RXFP1: variants seen among roughly 807,000 people sequenced by gnomAD.
The protein encoded by RXFP1 is relaxin family peptide receptor 1, also known as relaxin receptor 1.
RXFP1 carries 73 observed loss-of-function variants against 89.8 expected under a neutral mutation model. The observed-to-expected ratio is 0.81, with a 90% confidence interval of 0.67 to 0.99. The LOEUF (loss-of-function observed/expected upper bound fraction) is 0.99, where lower values mean the gene tolerates loss of function less well. RXFP1 is among the 50% of genes least tolerant of loss of function. The probability of loss-of-function intolerance (pLI) is 0.00; values close to 1 mark genes in which losing one functional copy is unlikely to be tolerated. For synonymous variants in RXFP1, 277 were observed against 305.5 expected, an observed-to-expected ratio of 0.91 and a Z score of 0.97; for missense variants, 793 against 895.5, an observed-to-expected ratio of 0.89 and a Z score of 1.46.
In RXFP1 at chr4:158,617,118, T is replaced by C; in HGVS notation, c.681-13T>C. On this transcript the variant is annotated splice_polypyrimidine_tract_variant and intron_variant, in intron 8 of 17. Transcript: ENST00000307765. ...CCAGAAAAATGTGACTTGTTTGTCT[T>C]TTCCTTTTTCAGAGTCCTGATGAAT... 1 of 1,587,112 alleles carries C rather than the reference T, an allele frequency of 6.3e-7. No individual in the cohort carries two copies. Among genetic ancestry groups the C allele is most frequent in the Non-Finnish European group, 8.6e-7 (1 of 1,163,358 alleles).
rs1042033483 is a variant in RXFP1, at chr4:158,640,279, G to A, written c.1115+948G>A. Among the ~76,000 whole-genome samples, 6 of 152,190 alleles carry A rather than the reference G, an allele frequency of 3.9e-5. No individual in the cohort carries two copies. The South Asian group carries it at 1.0e-3, about 26-fold the overall frequency. ...CTAATAACTGTTCACAGATATTGAT[G>A]TTTGCCTAATGAGCTAGTAATTGGT... On this transcript the variant is annotated intron_variant, in intron 14 of 17. Transcript: ENST00000307765.
At chr4:158,578,580 T>C (rs1207241814) in intron 2 of RXFP1, among the ~76,000 whole-genome samples, 3 of 152,242 alleles carry the variant, frequency 2.0e-5, no homozygotes, top group African/African-American at 7.2e-5. Context: ...TCTAGATTTG[T>C]ATTTAAAAGA....
intron 15 of RXFP1, chr4:158,646,563 G>A: frequency 2.2e-6 from 3 of 1,356,828 alleles, no homozygotes; most frequent in African/African-American, 2.9e-5. Flanking sequence ...GGAAAATGAA[G>A]AAATGATTGC....
Position 158,610,711 on chromosome 4 carries a change from C to G in RXFP1, c.537-1419C>G, listed in dbSNP as rs1383891793. On this transcript the variant is annotated intron_variant, in intron 6 of 17. Transcript: ENST00000307765. Reference sequence around the variant, plus strand: ...GTGAGCATAGGGAGCAATAGTGGATCAAATGTCTTTTACCTGGAGGGTTTT... The same window carrying G: ...GTGAGCATAGGGAGCAATAGTGGATGAAATGTCTTTTACCTGGAGGGTTTT... 4 of 1,289,150 alleles carry G rather than the reference C, an allele frequency of 3.1e-6. No homozygotes were observed. The South Asian group carries it at 4.9e-5, about 16-fold the overall frequency. 79.9% of individuals were successfully genotyped at this position (1,289,150 alleles called of 1,614,324 possible). A position where few individuals can be genotyped will look rare whatever the true frequency, so the allele number is the denominator to read the frequency against.
intron 6 of RXFP1, 37 bp downstream of exon 6, chr4:158,608,080 G>A: frequency 7.3e-7 from 1 of 1,368,164 alleles, no homozygotes; most frequent in Non-Finnish European, 1.0e-6. Flanking sequence ...CCATTCCATG[G>A]TAGTCTGACA....
At chr4:158,531,161 G>A (rs1232984738) in intron 1 of RXFP1, among the ~76,000 whole-genome samples, 2 of 152,028 alleles carry the variant, frequency 1.3e-5, no homozygotes, top group Admixed American at 6.6e-5. Context: ...TAAGCCTCGC[G>A]AGTTGCTGGG....
At chr4:158,607,175 T>G in intron 5 of RXFP1, 1 of 1,335,476 alleles carries the variant, frequency 7.5e-7, no homozygotes, top group African/African-American at 1.4e-5. Flanking sequence ...GGTGCAATGA[T>G]GCAATAGCGT....
intron 8 of RXFP1, among the ~76,000 whole-genome samples, chr4:158,615,394 G>C (rs1476162111): frequency 2.6e-5 from 4 of 152,054 alleles, no homozygotes; most frequent in Non-Finnish European, 5.9e-5. Flanking sequence ...AAATTAGCTG[G>C]GTGTGGTGGC....
intron 1 of RXFP1, among the ~76,000 whole-genome samples, chr4:158,541,855 T>C (rs549891411): frequency 1.3e-5 from 2 of 152,022 alleles, no homozygotes; most frequent in South Asian, 2.1e-4. Flanking sequence ...TCTATATTTA[T>C]ATTTCAGCAA....
intron 1 of RXFP1, among the ~76,000 whole-genome samples, chr4:158,567,049 C>T (rs906395611): frequency 6.6e-6 from 1 of 152,182 alleles, no homozygotes; most frequent in African/African-American, 2.4e-5. Flanking sequence ...GCCGGCCGGC[C>T]CGCCAGTCAG....
At chr4:158,566,868 C>T (rs1030485564) in intron 1 of RXFP1, among the ~76,000 whole-genome samples, 4 of 152,228 alleles carry the variant, frequency 2.6e-5, no homozygotes, top group South Asian at 4.1e-4. Context: ...TTCAGCCCAC[C>T]GCTGCACTGT....
At chr4:158,603,889 C>CAATAATAAT (rs10617905) in intron 4 of RXFP1, among the ~76,000 whole-genome samples, 1,438 of 141,096 alleles carry the variant, frequency 0.01, 12 homozygotes, top group African/African-American at 0.021. Flanking sequence ...GACTCCATCT[C>CAATAATAAT]AATAATAATA....
At chr4:158,530,035 C>T (rs1420520354) in intron 1 of RXFP1, among the ~76,000 whole-genome samples, 2 of 152,106 alleles carry the variant, frequency 1.3e-5, no homozygotes, top group Admixed American at 6.6e-5. Context: ...GTTCCAACAC[C>T]TGATCCTCAT....
intron 10 of RXFP1, among the ~76,000 whole-genome samples, chr4:158,627,679 T>C (rs1349141805): frequency 6.6e-6 from 1 of 152,152 alleles, no homozygotes; most frequent in African/African-American, 2.4e-5. Context: ...TATTACCATA[T>C]GTTTTCTCCA....
In RXFP1 at chr4:158,612,141, A is replaced by G. The variant is rs1320013930; in HGVS notation, c.548A>G (p.His183Arg). 2 of 1,607,762 alleles carry G rather than the reference A, an allele frequency of 1.2e-6. No individual in the cohort carries two copies. Among genetic ancestry groups the G allele is most frequent in the Non-Finnish European group, 1.7e-6 (2 of 1,177,848 alleles). Residue 183 changes from histidine to arginine, a missense_variant, in exon 7 of 18, where the codon CAT becomes CGT. His to Arg is a conservative substitution (Grantham distance 29, BLOSUM62 0). Transcript: ENST00000307765. ...TTCTCCTTTTCCAGGTATCTCAGTC[A>G]TAACAGAATAACCTTCCTGAAGCCG... ...LNSLTKLYLS[H>R]NRITFLKPGV...
rs749238113 is a variant in RXFP1, at chr4:158,612,286, G to A, written c.609-5G>A. ...ATGAATTAATTTTTTTCTTCTGGCT[G>A]TCAGGATAATTGAAGATAATCACCT... On this transcript the variant is annotated splice_region_variant and splice_polypyrimidine_tract_variant and intron_variant, in intron 7 of 17. Coordinates refer to ENST00000307765, the MANE Select transcript of RXFP1 (RefSeq NM_021634.4). 3 of 1,610,334 alleles carry A rather than the reference G, an allele frequency of 1.9e-6. No individual in the cohort carries two copies. The highest frequency in any genetic ancestry group is 1.1e-5 in the South Asian group (1 of 90,144).
intron 1 of RXFP1, among the ~76,000 whole-genome samples, chr4:158,550,753 A>G (rs1357188915): frequency 6.6e-6 from 1 of 152,236 alleles, no homozygotes; most frequent in East Asian, 1.9e-4. Flanking sequence ...CACATTGGTT[A>G]AGAACACGTG....
intron 1 of RXFP1, among the ~76,000 whole-genome samples, chr4:158,570,828 A>G (rs908455960): frequency 2.0e-5 from 3 of 152,036 alleles, no homozygotes; most frequent in Non-Finnish European, 4.4e-5. Flanking sequence ...GCCCAAGGAT[A>G]CTTCTCTACC....
intron 1 of RXFP1, among the ~76,000 whole-genome samples, chr4:158,567,885 G>A (rs1316776170): frequency 5.9e-5 from 9 of 152,292 alleles, no homozygotes; most frequent in Admixed American, 3.9e-4. Flanking sequence ...GTGGCAACCC[G>A]CTCGGGTCTC....
Sources: allele counts gnomAD v4.1 joint callset (sites outside exome capture counted in the v4.1 genomes callset), GRCh38; gene constraint gnomAD v4.1.1; transcripts MANE v1.5; gene names NCBI Gene and HGNC (gene_info 2026-07-23, HGNC 2026-07-21).